Variants in TCERG1L observed in about 807,000 individuals in gnomAD.
TCERG1L encodes transcription elongation regulator 1 like.
In TCERG1L, 37 loss-of-function variants were observed where a neutral mutation model predicts 56.3. The observed-to-expected ratio is 0.66, with a 90% CI of 0.51 to 0.87. TCERG1L has a LOEUF of 0.87. Ranked by LOEUF, TCERG1L falls within the 40% of genes least tolerant of loss-of-function variation. TCERG1L has a pLI of 0.00. For missense variants in TCERG1L, 799 were observed against 774.2 expected (o/e 1.03, Z -0.38); for synonymous variants, 324 against 326.3 (o/e 0.99, Z 0.08).
At chr10:131,236,222 GATC>G (rs1845910562) in intron 4 of TCERG1L, among the ~76,000 whole-genome samples, 1 of 152,210 alleles carries the variant, frequency 6.6e-6, no homozygotes, top group Admixed American at 6.5e-5. Flanking sequence ...TATAAAAGGG[GATC>G]ATATGCTCCA....
chr10:131,303,081 T>TA (rs1184287881), intron 3 of TCERG1L, among the ~76,000 whole-genome samples: 1 of 152,064 alleles, frequency 6.6e-6, no homozygotes, highest in Admixed American at 6.5e-5. Flanking sequence ...AGTGCTGCAG[T>TA]AAACATACGT....
At chr10:131,117,705 C>G (rs533470865) in intron 8 of TCERG1L, among the ~76,000 whole-genome samples, 2 of 152,192 alleles carry the variant, frequency 1.3e-5, no homozygotes, top group African/African-American at 4.8e-5. Flanking sequence ...CCGAACCACA[C>G]GGGCAGGGAG....
intron 3 of TCERG1L, among the ~76,000 whole-genome samples, chr10:131,298,356 T>C (rs949818231): frequency 2.0e-5 from 3 of 152,206 alleles, no homozygotes; most frequent in African/African-American, 7.2e-5. Flanking sequence ...TTGGAGGTTT[T>C]CCGGATATCC....
In TCERG1L at chr10:131,302,313, T is replaced by A. The variant is rs567109717; in HGVS notation, c.670+5898A>T. Among the ~76,000 whole-genome samples, 98 of 150,702 alleles carry A rather than the reference T, an allele frequency of 6.5e-4. 1 individual carries two copies. Among genetic ancestry groups the A allele is most frequent in the Non-Finnish European group, 1.0e-3 (71 of 67,758 alleles). ...ATACGGCTGGCTTTGCCCCATTTACTACTTCTGCTGAAATTTGTTTTTTTG... is the reference window on the plus strand; with the variant it reads ...ATACGGCTGGCTTTGCCCCATTTACAACTTCTGCTGAAATTTGTTTTTTTG... On this transcript the variant is annotated intron_variant, in intron 3 of 11. Transcript: ENST00000368642.
chr10:131,279,711 C>T (rs1846431482), intron 3 of TCERG1L, among the ~76,000 whole-genome samples: 2 of 152,212 alleles, frequency 1.3e-5, no homozygotes, highest in African/African-American at 4.8e-5. Flanking sequence ...GCCACACCTC[C>T]AGCAACCCTT....
intron 3 of TCERG1L, among the ~76,000 whole-genome samples, chr10:131,306,466 T>C (rs973251493): frequency 9.9e-5 from 15 of 152,228 alleles, no homozygotes; most frequent in African/African-American, 3.1e-4. Context: ...TGTTGAATAG[T>C]AGACTAGGTT....
intron 3 of TCERG1L, among the ~76,000 whole-genome samples, chr10:131,275,294 G>A (rs1427600056): frequency 6.6e-6 from 1 of 152,170 alleles, no homozygotes; most frequent in African/African-American, 2.4e-5. Flanking sequence ...ATGTCTAATC[G>A]AGTCACCGGA....
intron 8 of TCERG1L, among the ~76,000 whole-genome samples, chr10:131,131,332 A>G (rs1845616067): frequency 6.6e-6 from 1 of 152,158 alleles, no homozygotes; most frequent in Admixed American, 6.5e-5. Context: ...AAAGAGTTAT[A>G]AAGTCAGAAG....
chr10:131,221,029 G>A (rs539560228), intron 4 of TCERG1L, among the ~76,000 whole-genome samples: 38 of 152,254 alleles, frequency 2.5e-4, no homozygotes, highest in Non-Finnish European at 4.1e-4. Flanking sequence ...CCCCCCAAGC[G>A]GCTGAGTACC....
intron 4 of TCERG1L, among the ~76,000 whole-genome samples, chr10:131,204,520 G>C (rs1009786994): frequency 2.6e-5 from 4 of 152,088 alleles, no homozygotes; most frequent in African/African-American, 9.7e-5. Context: ...CCCATGTACA[G>C]TGGAGAAACT....
In TCERG1L at chr10:131,192,596, G is replaced by T. The variant is rs117152594; in HGVS notation, c.857-25711C>A. Among the ~76,000 whole-genome samples, 1,283 of 144,532 alleles carry T rather than the reference G, an allele frequency of 8.9e-3. 151 individuals carry two copies. The South Asian group carries it at 0.1, about 12-fold the overall frequency. The allele number at this position is 144,532 out of a possible 152,430, so 94.8% of individuals were successfully genotyped here. ...GTTTATAACAGCACAATTCACAACT[G>T]CAACCTAAACGCCCAGCAACTAATG... On this transcript the variant is annotated intron_variant, in intron 4 of 11. Transcript: ENST00000368642.
chr10:131,152,793 G>A (rs1845879903), intron 6 of TCERG1L, among the ~76,000 whole-genome samples: 2 of 152,182 alleles, frequency 1.3e-5, no homozygotes, highest in Non-Finnish European at 2.9e-5. Flanking sequence ...TGGCTGGGGA[G>A]GCCTCAGGAA....
intron 4 of TCERG1L, among the ~76,000 whole-genome samples, chr10:131,217,509 C>T (rs1349068039): frequency 6.6e-6 from 1 of 152,086 alleles, no homozygotes; most frequent in Non-Finnish European, 1.5e-5. Context: ...CAGCAGAGGG[C>T]TGGATCCCAG....
At chr10:131,143,542 G>A (rs757018519) in intron 7 of TCERG1L, among the ~76,000 whole-genome samples, 7 of 152,164 alleles carry the variant, frequency 4.6e-5, no homozygotes, top group African/African-American at 9.7e-5. Flanking sequence ...CAAGCAGAGC[G>A]GGCCAAGGTG....
intron 4 of TCERG1L, among the ~76,000 whole-genome samples, chr10:131,187,308 A>G (rs1019099616): frequency 2.6e-5 from 4 of 152,234 alleles, no homozygotes; most frequent in Admixed American, 2.6e-4. Flanking sequence ...TATTCGATAG[A>G]GCTGTGCAAC....
intron 4 of TCERG1L, among the ~76,000 whole-genome samples, chr10:131,252,827 T>A (rs1448509678): frequency 2.0e-5 from 3 of 151,998 alleles, no homozygotes; most frequent in East Asian, 3.9e-4. Context: ...TACAGCAACA[T>A]GATCTGCACA....
At chr10:131,236,017 G>A (rs545802575) in intron 4 of TCERG1L, among the ~76,000 whole-genome samples, 3 of 152,330 alleles carry the variant, frequency 2.0e-5, no homozygotes, top group Non-Finnish European at 2.9e-5. Flanking sequence ...GCAAATGCAT[G>A]GAATTACATT....
At chr10:131,181,270 C>G (rs888101457) in intron 4 of TCERG1L, among the ~76,000 whole-genome samples, 3 of 152,208 alleles carry the variant, frequency 2.0e-5, no homozygotes, top group African/African-American at 7.2e-5. Context: ...TCTCCCTTCA[C>G]CTGGCCTGGG....
At position 131,267,979 on chromosome 10, in the gene TCERG1L, G is replaced by C. The variant is rs1485087553; in HGVS notation, c.671-7535C>G. Among the ~76,000 whole-genome samples the C allele has an allele frequency of 6.6e-6, 1 of 152,234 alleles. No homozygotes were observed. Among genetic ancestry groups the C allele is most frequent in the Non-Finnish European group, 1.5e-5 (1 of 68,042 alleles). On this transcript the variant is annotated intron_variant, in intron 3 of 11. Coordinates refer to ENST00000368642, the MANE Select transcript of TCERG1L (RefSeq NM_174937.4). This position sits in a 1 kb window ranked among gnomAD's most constrained non-coding sequence, Gnocchi z 4.9. ...CCTGCCAGGGTTGGCTCCTCTGGGA[G>C]CGAATTGCAGGCCCTGGGCCCAGCT...
Sources: gnomAD v4.1 joint callset for allele counts (sites outside exome capture counted in the v4.1 genomes callset) on GRCh38, gnomAD v4.1.1 for gene constraint, Gnocchi (gnomAD v3.1) non-coding constraint, MANE v1.5 for transcripts, NCBI Gene and HGNC (gene_info 2026-07-23, HGNC 2026-07-21) for gene names.